Variants in DCX observed in about 807,000 individuals in gnomAD.
DCX encodes neuronal migration protein doublecortin.
In DCX, 4 loss-of-function variants were observed where a neutral mutation model predicts 20.9. The observed-to-expected ratio is 0.19, with a 90% CI of 0.09 to 0.44. The LOEUF is 0.44. Ranked by LOEUF, DCX falls within the 20% of genes least tolerant of loss-of-function variation. DCX has a pLI of 0.99. For synonymous variants in DCX, 103 were observed against 111.4 expected, an observed-to-expected ratio of 0.92 and a Z score of 0.47; for missense variants, 133 against 296.9, an observed-to-expected ratio of 0.45 and a Z score of 4.06.
chrX:111,387,057 C>T (rs1322206402), intron 3 of DCX, among the ~76,000 whole-genome samples: 2 of 111,871 alleles, frequency 1.8e-5, no homozygotes, highest in African/African-American at 6.5e-5. Context: ...CATTCTTAGA[C>T]TAAACCTTCA....
chrX:111,328,707 C>T (rs988150395), intron 5 of DCX, among the ~76,000 whole-genome samples: 3 of 111,393 alleles, frequency 2.7e-5, no homozygotes, highest in African/African-American at 9.8e-5. Context: ...GCTATGGAGA[C>T]TAGATCACAA....
chrX:111,366,858 G>A (rs1603419555), intron 3 of DCX, among the ~76,000 whole-genome samples: 1 of 111,393 alleles, frequency 9.0e-6, no homozygotes, highest in Non-Finnish European at 1.9e-5. Flanking sequence ...AAATATAAAG[G>A]CAGTGACAAC....
chrX:111,317,413 A>G (rs902004752), intron 5 of DCX, among the ~76,000 whole-genome samples: 4 of 111,622 alleles, frequency 3.6e-5, no homozygotes, highest in African/African-American at 6.5e-5. Context: ...TACACCATAT[A>G]CAAAAATTAA....
chrX:111,318,761 A>G (rs2095079840), intron 5 of DCX, among the ~76,000 whole-genome samples: 1 of 111,131 alleles, frequency 9.0e-6, no homozygotes, highest in Non-Finnish European at 1.9e-5. Context: ...ACATGGACAC[A>G]AAGAGGTGAA....
intron 3 of DCX, among the ~76,000 whole-genome samples, chrX:111,386,237 C>A (rs977589146): frequency 9.0e-6 from 1 of 111,128 alleles, no homozygotes; most frequent in Admixed American, 9.6e-5. Flanking sequence ...CAGGTCTCAG[C>A]AAGGTCCCTG....
chrX:111,402,762 A>ATG (rs758124822), intron 2 of DCX, among the ~76,000 whole-genome samples: 10 of 103,401 alleles, frequency 9.7e-5, no homozygotes, highest in African/African-American at 3.8e-4. Context: ...GTGTGTGTGT[A>ATG]TGTGTGTGTG....
intron 3 of DCX, among the ~76,000 whole-genome samples, chrX:111,370,169 G>C (rs143720074): frequency 1.2e-3 from 139 of 111,677 alleles, no homozygotes; most frequent in African/African-American, 4.3e-3. Flanking sequence ...TTAAGGCTTT[G>C]ATGGCCCCAC....
chrX:111,346,149 T>C (rs1354846217), intron 3 of DCX, among the ~76,000 whole-genome samples: 1 of 110,598 alleles, frequency 9.0e-6, no homozygotes, highest in African/African-American at 3.3e-5. Context: ...CTTTGTCAGA[T>C]GGGTACATTG....
chrX:111,409,885 T>A, intron 2 of DCX, 150 bp downstream of exon 2: 1 of 736,261 alleles, frequency 1.4e-6, no homozygotes, highest in Non-Finnish European at 2.1e-6. Context: ...ATGGTTCTGT[T>A]GATGTCTATA....
chrX:111,384,252 A>G (rs1412191139), intron 3 of DCX, among the ~76,000 whole-genome samples: 3 of 111,609 alleles, frequency 2.7e-5, no homozygotes, highest in African/African-American at 9.8e-5. Flanking sequence ...CTCCATTAGA[A>G]GGCCTTCATG....
rs1603415713 is a variant in DCX at position 111,333,014 on chromosome X, G to T, written c.808+37C>A. ...AAATCCTAAAGGATAGAAGGGGAGA[G>T]AACAATGGAGCAATAAAACCCAGTG... On this transcript the variant is annotated intron_variant, in intron 4 of 6. Coordinates refer to ENST00000636035, the MANE Select transcript of DCX (RefSeq NM_001195553.2). 32 of 1,013,224 alleles carry T rather than the reference G, an allele frequency of 3.2e-5. No individual in the cohort carries two copies. In the East Asian group the frequency reaches 9.6e-4, roughly 30 times the overall value. 83.5% of individuals were successfully genotyped at this position (1,013,224 alleles called of 1,213,427 possible).
intron 5 of DCX, among the ~76,000 whole-genome samples, chrX:111,316,900 A>G (rs1171399517): frequency 1.8e-5 from 2 of 112,048 alleles, no homozygotes; most frequent in Non-Finnish European, 3.8e-5. Context: ...GAGAATTACA[A>G]AACACTTCTC....
rs1011794885 is a variant in DCX at position 111,299,910 on chromosome X, T to G, written c.*1777A>C. 9.0e-6 allele frequency: 1 copy of G among 110,798 alleles called. No homozygotes were observed. The highest frequency in any genetic ancestry group is 1.9e-5 in the Non-Finnish European group (1 of 52,926). The allele number at this position is 110,798 out of a possible 1,213,427, so 9.1% of individuals were successfully genotyped here. On this transcript the variant is annotated 3_prime_UTR_variant, in exon 7 of 7. Coordinates refer to ENST00000636035, the MANE Select transcript of DCX (RefSeq NM_001195553.2). Reference sequence around the variant, plus strand: ...TGGGTTCCCCCCTACACAGTGCACATCAGCAGTGCCACCCAGTTGCCACCA... The same window carrying G: ...TGGGTTCCCCCCTACACAGTGCACAGCAGCAGTGCCACCCAGTTGCCACCA...
chrX:111,328,246 C>T (rs776495016), intron 5 of DCX, among the ~76,000 whole-genome samples: 1 of 111,113 alleles, frequency 9.0e-6, no homozygotes, highest in Non-Finnish European at 1.9e-5. Flanking sequence ...AAAGCAAGAG[C>T]AGATCTTGCC....
chrX:111,393,406 G>T (rs1017995891), intron 3 of DCX, among the ~76,000 whole-genome samples: 1 of 111,631 alleles, frequency 9.0e-6, no homozygotes, highest in Non-Finnish European at 1.9e-5. Flanking sequence ...AAATTTTTGA[G>T]ATGTTGGGTT....
At chrX:111,341,337 A>G (rs183275528) in intron 3 of DCX, among the ~76,000 whole-genome samples, 76 of 110,753 alleles carry the variant, frequency 6.9e-4, no homozygotes, top group African/African-American at 2.4e-3. Context: ...AAAGAATGAA[A>G]AGGAATGAAC....
At chrX:111,381,708 C>T (rs1484348901) in intron 3 of DCX, among the ~76,000 whole-genome samples, 1 of 111,421 alleles carries the variant, frequency 9.0e-6, no homozygotes, top group African/African-American at 3.3e-5. Flanking sequence ...TAAGACGTAA[C>T]TCCCAGTAAC....
intron 5 of DCX, among the ~76,000 whole-genome samples, chrX:111,328,428 T>C (rs979256989): frequency 4.5e-5 from 5 of 111,849 alleles, no homozygotes; most frequent in African/African-American, 1.6e-4. Context: ...TGATTTGACA[T>C]AGATTTAAAC....
In DCX at chrX:111,357,376, C is replaced by T. The variant is rs148680536; in HGVS notation, c.706-24223G>A. On this transcript the variant is annotated intron_variant, in intron 3 of 6. Coordinates refer to ENST00000636035, the MANE Select transcript of DCX (RefSeq NM_001195553.2). ...TATGTTCTTTGGTTCCTTAGGATTC[C>T]TCTTTGGCTACCTTTGGGGAGAAGA... Among the ~76,000 whole-genome samples the T allele has an allele frequency of 4.7e-3, 531 of 112,049 alleles. 6 individuals carry two copies. Among genetic ancestry groups the T allele is most frequent in the African/African-American group, 0.016 (489 of 30,807 alleles).
Sources: allele counts gnomAD v4.1 joint callset (sites outside exome capture counted in the v4.1 genomes callset), GRCh38; gene constraint gnomAD v4.1.1; transcripts MANE v1.5; gene names NCBI Gene and HGNC (gene_info 2026-07-23, HGNC 2026-07-21).